PLA2G4D: variants seen among roughly 807,000 people sequenced by gnomAD.
The protein encoded by PLA2G4D is cytosolic phospholipase A2 delta.
A neutral mutation model predicts 94.4 loss-of-function variants in PLA2G4D; 80 were observed. That is an observed-to-expected ratio of 0.85 (90% CI 0.71 to 1.02). The LOEUF is 1.02. Among genes scored for constraint, PLA2G4D ranks in the 50% least tolerant of loss-of-function variants. The pLI, the probability that PLA2G4D is intolerant of heterozygous loss-of-function variation, is 0.00. For synonymous variants in PLA2G4D, 438 were observed against 440.9 expected (o/e 0.99, Z 0.08); for missense variants, 1,050 against 1,034.7 (o/e 1.01, Z -0.20).
intron 4 of PLA2G4D, 133 bp downstream of exon 4, chr15:42,086,080 A>T (rs894865429): frequency 1.0e-6 from 1 of 995,730 alleles, no homozygotes; most frequent in African/African-American, 1.6e-5. Flanking sequence ...ATGCAAATCT[A>T]AAAAGGGGTT....
At chr15:42,086,051 C>A (rs572241976) in intron 4 of PLA2G4D, among the ~76,000 whole-genome samples, 162 bp downstream of exon 4, 36 of 152,342 alleles carry the variant, frequency 2.4e-4, no homozygotes, top group Middle Eastern at 3.4e-3. Flanking sequence ...AAAGTGAAGC[C>A]TTTTCCTTGC....
chr15:42,091,821 C>T (rs1307915964), intron 1 of PLA2G4D, among the ~76,000 whole-genome samples: 3 of 152,138 alleles, frequency 2.0e-5, no homozygotes, highest in Admixed American at 6.5e-5. Flanking sequence ...GAAATAATGG[C>T]GTAAGCTGTC....
At position 42,069,894 on chromosome 15, in the gene PLA2G4D, G is replaced by A; in HGVS notation, c.2230+15C>T. The A allele has an allele frequency of 7.1e-7, 1 of 1,401,084 alleles. No individual in the cohort carries two copies. Among genetic ancestry groups the A allele is most frequent in the Non-Finnish European group, 9.3e-7 (1 of 1,077,388 alleles). The allele number at this position is 1,401,084 out of a possible 1,614,324, so 86.8% of individuals were successfully genotyped here. A position where few individuals can be genotyped will look rare whatever the true frequency, so the allele number is the denominator to read the frequency against. ...GGGGCCAGGCAGCCTGGGTGCTTGG[G>A]AGGGGCTGCCTCACCGGGGGCTGAG... On this transcript the variant is annotated intron_variant, in intron 19 of 19. Transcript: ENST00000290472.
intron 13 of PLA2G4D, among the ~76,000 whole-genome samples, chr15:42,076,338 A>G (rs931327425): frequency 6.6e-6 from 1 of 152,198 alleles, no homozygotes; most frequent in African/African-American, 2.4e-5. Flanking sequence ...TAAGAAATAA[A>G]TCTTTAAAAA....
At position 42,067,361 on chromosome 15, in the gene PLA2G4D, C is replaced by T. The variant is rs1889704821; in HGVS notation, c.*1354G>A. 1 of 152,048 alleles carries T rather than the reference C, an allele frequency of 6.6e-6. No individual in the cohort carries two copies. Among genetic ancestry groups the T allele is most frequent in the East Asian group, 1.9e-4 (1 of 5,186 alleles). The allele number at this position is 152,048 out of a possible 1,614,324, so 9.4% of individuals were successfully genotyped here. ...GACCAGCCTGGGCAACATGGTGAGA[C>T]CTCATCTCTACAAAAAACCATTTTT... On this transcript the variant is annotated 3_prime_UTR_variant, in exon 20 of 20. Transcript: ENST00000290472.
At position 42,067,912 on chromosome 15, in the gene PLA2G4D, C is replaced by T. The variant is rs1355456728; in HGVS notation, c.*803G>A. The stretch of plus-strand genomic sequence containing the variant: ...AGTCAGGAACAAGACAAGATGTCTG[C>T]TCTTGAAACGTGTGTTCATCATTGT... On this transcript the variant is annotated 3_prime_UTR_variant, in exon 20 of 20. Transcript: ENST00000290472. The T allele has an allele frequency of 1.3e-5, 2 of 152,208 alleles. No homozygotes were observed. Among genetic ancestry groups the T allele is most frequent in the Non-Finnish European group, 2.9e-5 (2 of 68,044 alleles). The allele number at this position is 152,208 out of a possible 1,614,324, so 9.4% of individuals were successfully genotyped here. A position where few individuals can be genotyped will look rare whatever the true frequency, so the allele number is the denominator to read the frequency against.
Position 42,068,304 on chromosome 15 carries a change from T to C in PLA2G4D, c.*411A>G, listed in dbSNP as rs886250993. 6.1e-6 allele frequency: 1 copy of C among 164,920 alleles called. No individual in the cohort carries two copies. The highest frequency in any genetic ancestry group is 1.3e-5 in the Non-Finnish European group (1 of 75,868). The allele number at this position is 164,920 out of a possible 1,614,324, so 10.2% of individuals were successfully genotyped here. A position where few individuals can be genotyped will look rare whatever the true frequency, so the allele number is the denominator to read the frequency against. ...AGGAGGTGGAGGAGCAGGAAGAAGA[T>C]GAGGAGGCAATGTGTTCAGGATGTC... On this transcript the variant is annotated 3_prime_UTR_variant, in exon 20 of 20. Transcript: ENST00000290472.
At chr15:42,086,403 T>A in intron 3 of PLA2G4D, 59 bp from the exon 4 acceptor site, 2 of 1,557,498 alleles carry the variant, frequency 1.3e-6, no homozygotes, top group Non-Finnish European at 1.8e-6. Flanking sequence ...GTAGCTCACC[T>A]CTGTTGAGCC....
chr15:42,071,197 C>T lies in PLA2G4D; in HGVS notation c.1802G>A (p.Arg601His), dbSNP rs78165678. ...GAGGCCCTGGAGGAAGTTGGGGCTG[C>T]GCTGGTGGAGGGGCCTGCCTGTCAG... ...GFLTGRPLHQ[R>H]SPNFLQGLQL... Residue 601 changes from arginine (R) to histidine (H), a missense_variant, in exon 17 of 20, where the codon CGC becomes CAC. Coordinates refer to ENST00000290472, the MANE Select transcript of PLA2G4D (RefSeq NM_178034.4). 0.1 allele frequency: 163,062 copies of T among 1,613,160 alleles called. 9,301 individuals carry two copies. The highest frequency in any genetic ancestry group is 0.12 in the Non-Finnish European group (137,810 of 1,179,682).
Position 42,084,134 on chromosome 15 carries a change from A to C in PLA2G4D, c.472-355T>G. 6.7e-5 allele frequency: 16 copies of C among 239,588 alleles called. No individual in the cohort carries two copies. Among genetic ancestry groups the C allele is most frequent in the East Asian group, 9.9e-5 (1 of 10,126 alleles). The allele number at this position is 239,588 out of a possible 1,614,324, so 14.8% of individuals were successfully genotyped here. A position where few individuals can be genotyped will look rare whatever the true frequency, so the allele number is the denominator to read the frequency against. ...AGGTATTCTACCACAACTCCAAATA[A>C]TCTAAGCAAGCCGCCCATCCATAGG... On this transcript the variant is annotated intron_variant, in intron 6 of 19. Coordinates refer to ENST00000290472, the MANE Select transcript of PLA2G4D (RefSeq NM_178034.4). This position sits in a 1 kb window ranked among gnomAD's most constrained non-coding sequence, Gnocchi z 4.8.
At chr15:42,076,058 C>A (rs1889917522) in intron 13 of PLA2G4D, among the ~76,000 whole-genome samples, 2 of 152,166 alleles carry the variant, frequency 1.3e-5, no homozygotes. Context: ...AGATTTATCA[C>A]AAAACTTTAG....
intron 1 of PLA2G4D, among the ~76,000 whole-genome samples, chr15:42,087,961 G>A (rs776727): frequency 0.24 from 36,332 of 152,198 alleles, 4,615 homozygotes; most frequent in South Asian, 0.45. Context: ...TCCCCTTCGG[G>A]AACAGAGCAA....
Position 42,086,193 on chromosome 15 carries a change from T to TTTC in PLA2G4D, c.387+19_387+20insGAA. On this transcript the variant is annotated intron_variant, in intron 4 of 19. Coordinates refer to ENST00000290472, the MANE Select transcript of PLA2G4D (RefSeq NM_178034.4). Reference sequence around the variant, plus strand: ...TGGAAGAAGTGGGGCCCACGGGGACTTCCCCACCCACCCACCCACCTGGGG... The same window carrying TTTC: ...TGGAAGAAGTGGGGCCCACGGGGACTTTCTCCCCACCCACCCACCCACCTGGGG... 1 of 1,398,078 alleles carries TTTC rather than the reference T, an allele frequency of 7.2e-7. No homozygotes were observed. Among genetic ancestry groups the TTTC allele is most frequent in the South Asian group, 1.5e-5 (1 of 67,160 alleles). 86.6% of individuals were successfully genotyped at this position (1,398,078 alleles called of 1,614,324 possible).
chr15:42,086,585 C>T (rs1301119803), intron 3 of PLA2G4D, among the ~76,000 whole-genome samples: 3 of 152,086 alleles, frequency 2.0e-5, no homozygotes, highest in African/African-American at 7.2e-5. Flanking sequence ...GGCATGGTGG[C>T]TCATGCCTGT....
At position 42,081,591 on chromosome 15, in the gene PLA2G4D, A is replaced by G. The variant is rs773365308; in HGVS notation, c.845T>C (p.Leu282Pro). 2.5e-6 allele frequency: 4 copies of G among 1,614,174 alleles called. No individual in the cohort carries two copies. The Admixed American group carries it at 6.7e-5, about 27-fold the overall frequency. Residue 282 changes from leucine to proline, a missense_variant, in exon 11 of 20, where the codon CTG (leucine) becomes CCG (proline). Transcript: ENST00000290472. ...EGCPEELAVH[L>P]GFNLCAEEQA... ...CTCCTCTGCACAGAGATTGAAGCCC[A>G]GGTGCACGGCCAGCTCCTCAGGGCT...
chr15:42,086,194 T>TGGGGGGGGGGGCCCGGC lies in PLA2G4D; in HGVS notation c.387+18_387+19insGCCGGGCCCCCCCCCCC. ...GGAAGAAGTGGGGCCCACGGGGACT[T>TGGGGGGGGGGGCCCGGC]CCCCACCCACCCACCCACCTGGGGA... On this transcript the variant is annotated intron_variant, in intron 4 of 19. Coordinates refer to ENST00000290472, the MANE Select transcript of PLA2G4D (RefSeq NM_178034.4). 1 of 1,370,444 alleles carries TGGGGGGGGGGGCCCGGC rather than the reference T, an allele frequency of 7.3e-7. No individual in the cohort carries two copies. Among genetic ancestry groups the TGGGGGGGGGGGCCCGGC allele is most frequent in the Non-Finnish European group, 9.6e-7 (1 of 1,043,084 alleles). The allele number at this position is 1,370,444 out of a possible 1,614,324, so 84.9% of individuals were successfully genotyped here. A position where few individuals can be genotyped will look rare whatever the true frequency, so the allele number is the denominator to read the frequency against.
rs1272008925 is a variant in PLA2G4D at position 42,070,749 on chromosome 15, A to T, written c.2011T>A (p.Ser671Thr). Residue 671 changes from serine (S) to threonine (T), a missense_variant, in exon 18 of 20, where the codon TCC becomes ACC. Transcript: ENST00000290472. ...GGCGCAGATAGGGAGTAGTCGAAGGAGAGGATGAGGTCCAGCCTGCGGCCT... is the reference window on the plus strand; with the variant it reads ...GGCGCAGATAGGGAGTAGTCGAAGGTGAGGATGAGGTCCAGCCTGCGGCCT... The part of the protein sequence containing the change: ...RPGRRLDLIL[S>T]FDYSLSAPFE... The T allele has an allele frequency of 1.3e-6, 2 of 1,574,032 alleles. No homozygotes were observed. Among genetic ancestry groups the T allele is most frequent in the South Asian group, 2.3e-5 (2 of 85,778 alleles).
Position 42,070,810 on chromosome 15 carries a change from G to A in PLA2G4D, c.1950C>T (p.Tyr650=). The A allele has an allele frequency of 6.2e-7, 1 of 1,609,132 alleles. No individual in the cohort carries two copies. ...EPRLCLVDAA[Y]FINTSSPSMF... ...TGGAGGGAGAGCTGGTGTTGATGAA[G>A]TAGGCGGCGTCCACCAGGCAGAGCC... The change falls in exon 18 of 20, where the codon TAC becomes TAT. Residue 650 remains tyrosine, a synonymous_variant. Transcript: ENST00000290472.
Position 42,084,341 on chromosome 15 carries a change from C to T in PLA2G4D, c.472-562G>A, listed in dbSNP as rs948153690. Among the ~76,000 whole-genome samples, 4 of 152,174 alleles carry T rather than the reference C, an allele frequency of 2.6e-5. No individual in the cohort carries two copies. Among genetic ancestry groups the T allele is most frequent in the Admixed American group, 6.5e-5 (1 of 15,276 alleles). On this transcript the variant is annotated intron_variant, in intron 6 of 19. Coordinates refer to ENST00000290472, the MANE Select transcript of PLA2G4D (RefSeq NM_178034.4). The surrounding 1 kb of genome is among the most constrained non-coding windows in gnomAD (Gnocchi z 4.8). ...GCTCCACACAATCACTGAATTTGCCCACCTGCTGTGTGTCTCCATCACCTC... is the reference window on the plus strand; with the variant it reads ...GCTCCACACAATCACTGAATTTGCCTACCTGCTGTGTGTCTCCATCACCTC...
Sources: allele counts gnomAD v4.1 joint callset (sites outside exome capture counted in the v4.1 genomes callset), GRCh38; gene constraint gnomAD v4.1.1; non-coding constraint Gnocchi (gnomAD v3.1); transcripts MANE v1.5; gene names NCBI Gene and HGNC (gene_info 2026-07-23, HGNC 2026-07-21).